The following CCDC171 variants were observed in gnomAD, a reference collection of about 807,000 sequenced individuals.
CCDC171 encodes the protein coiled-coil domain containing 171, also known as coiled-coil domain-containing protein 171.
Under a neutral mutation model 168.2 loss-of-function variants are expected in CCDC171, and 177 were observed. That is an observed-to-expected ratio of 1.05 (90% CI 0.93 to 1.19). The LOEUF (loss-of-function observed/expected upper bound fraction) is 1.19, where lower values mean the gene tolerates loss of function less well. Among genes scored for constraint, CCDC171 ranks in the 50% most tolerant of loss-of-function variants. The pLI, the probability that CCDC171 is intolerant of heterozygous loss-of-function variation, is 0.00. For missense variants in CCDC171, 1,991 were observed against 1,539.0 expected, an observed-to-expected ratio of 1.29 and a Z score of -4.91; for synonymous variants, 687 against 540.8, an observed-to-expected ratio of 1.27 and a Z score of -3.75.
At chr9:15,879,926 T>C (rs1178116770) in intron 24 of CCDC171, among the ~76,000 whole-genome samples, 1 of 152,212 alleles carries the variant, frequency 6.6e-6, no homozygotes, top group African/African-American at 2.4e-5. Context: ...GGTTCCACTT[T>C]ACCCCCTGCA....
At chr9:15,573,560 G>A (rs1427213439) in intron 3 of CCDC171, among the ~76,000 whole-genome samples, 1 of 152,178 alleles carries the variant, frequency 6.6e-6, no homozygotes, top group South Asian at 2.1e-4. Context: ...GGGATTACAG[G>A]CGTGAGCCAC....
chr9:15,585,471 C>G (rs2041482638), intron 4 of CCDC171, among the ~76,000 whole-genome samples: 1 of 152,102 alleles, frequency 6.6e-6, no homozygotes, highest in Non-Finnish European at 1.5e-5. Flanking sequence ...GTGAGAGAAA[C>G]TTTACACTCA....
intron 14 of CCDC171, among the ~76,000 whole-genome samples, chr9:15,726,403 C>T (rs568181807): frequency 2.1e-4 from 32 of 152,162 alleles, no homozygotes; most frequent in South Asian, 1.7e-3. Flanking sequence ...GGATGAACTT[C>T]CTTGAGAACA....
chr9:16,005,250 A>G (rs1832662141), intron 3 of CCDC171, among the ~76,000 whole-genome samples: 2 of 152,340 alleles, frequency 1.3e-5, no homozygotes, highest in South Asian at 2.1e-4. Flanking sequence ...ATCACATAAT[A>G]TGTGGTCTTT....
At chr9:15,813,601 T>G (rs1466274471) in intron 21 of CCDC171, among the ~76,000 whole-genome samples, 1 of 132,586 alleles carries the variant, frequency 7.5e-6, no homozygotes, top group Non-Finnish European at 1.7e-5. Context: ...TACTTTTACA[T>G]GTATTTGTGT....
intron 8 of CCDC171, among the ~76,000 whole-genome samples, chr9:15,660,621 C>G (rs2048241800): frequency 6.6e-6 from 1 of 152,160 alleles, no homozygotes; most frequent in Non-Finnish European, 1.5e-5. Context: ...GGGCTTCCAG[C>G]TGCATCCATG....
chr9:15,554,329 T>A (rs12350903), intron 1 of CCDC171, among the ~76,000 whole-genome samples: 8,379 of 152,310 alleles, frequency 0.055, 285 homozygotes, highest in African/African-American at 0.088. Context: ...ATGTCACTTA[T>A]TTTATTTAAC....
intron 3 of CCDC171, among the ~76,000 whole-genome samples, chr9:15,988,278 T>A (rs1228882452): frequency 2.0e-5 from 3 of 152,156 alleles, no homozygotes; most frequent in Admixed American, 6.5e-5. Flanking sequence ...TATTTTGTTT[T>A]TTTAGATTAG....
At chr9:15,706,536 C>T (rs1588070684) in intron 11 of CCDC171, among the ~76,000 whole-genome samples, 1 of 152,142 alleles carries the variant, frequency 6.6e-6, no homozygotes, top group Non-Finnish European at 1.5e-5. Context: ...AATCCTCCCA[C>T]CCCAGCCTCC....
At chr9:15,598,532 G>A (rs977971958) in intron 6 of CCDC171, among the ~76,000 whole-genome samples, 7 of 152,088 alleles carry the variant, frequency 4.6e-5, no homozygotes, top group African/African-American at 1.7e-4. Context: ...TATAATTTCT[G>A]TTCTTTTACA....
intron 3 of CCDC171, among the ~76,000 whole-genome samples, chr9:15,989,373 G>C (rs111660739): frequency 0.077 from 11,685 of 152,176 alleles, 1,473 homozygotes; most frequent in African/African-American, 0.27. Flanking sequence ...GGTCCTGACT[G>C]TTAGAAGGAA....
At position 15,971,646 on chromosome 9, in the gene CCDC171, C is replaced by G; in HGVS notation, c.3791C>G (p.Ser1264Ter). 1 of 1,613,666 alleles carries G rather than the reference C, an allele frequency of 6.2e-7. No homozygotes were observed. The highest frequency in any genetic ancestry group is 8.5e-7 in the Non-Finnish European group (1 of 1,179,802). Reference sequence around the variant, plus strand: ...GACCATTCAAATCTCTCCATTCCTTCAAGAGCTCCTCTTCCTGCTGACACA... The same window carrying G: ...GACCATTCAAATCTCTCCATTCCTTGAAGAGCTCCTCTTCCTGCTGACACA... ...SRDHSNLSIP[S>*]RAPLPADTTG... Residue 1264 changes from serine to a stop codon, truncating the protein, a stop_gained, in exon 26 of 26, where the codon TCA (serine) becomes TGA (stop). Coordinates refer to ENST00000380701, the MANE Select transcript of CCDC171 (RefSeq NM_173550.4). LOFTEE classifies it high-confidence loss of function.
chr9:15,693,407 TACTTAAC>T (rs1049769670), intron 10 of CCDC171, among the ~76,000 whole-genome samples: 10 of 152,154 alleles, frequency 6.6e-5, no homozygotes, highest in African/African-American at 2.2e-4. Flanking sequence ...TTAACTAAAC[TACTTAAC>T]ACTTATTTTA....
intron 8 of CCDC171, among the ~76,000 whole-genome samples, chr9:15,658,747 C>G (rs2048114979): frequency 6.6e-6 from 1 of 152,094 alleles, no homozygotes; most frequent in African/African-American, 2.4e-5. Context: ...AAAGGCAAGA[C>G]AAGATTTCTT....
chr9:15,907,558 G>C (rs1029239996), intron 24 of CCDC171, among the ~76,000 whole-genome samples: 2 of 152,118 alleles, frequency 1.3e-5, no homozygotes, highest in African/African-American at 4.8e-5. Flanking sequence ...AAAAACCCTA[G>C]AAGAAAACCT....
chr9:15,722,269 G>C (rs966084642), intron 12 of CCDC171, among the ~76,000 whole-genome samples: 3 of 152,184 alleles, frequency 2.0e-5, no homozygotes, highest in African/African-American at 7.2e-5. Context: ...TTTAGGTTAA[G>C]ATTTCTACAA....
At chr9:16,066,521 T>A (rs956467875), downstream of CCDC171, among the ~76,000 whole-genome samples, 3 of 151,600 alleles carry the variant, frequency 2.0e-5, no homozygotes, top group Admixed American at 1.3e-4. Context: ...GCAGGTTAGT[T>A]ATATATGTAT....
intron 3 of CCDC171, among the ~76,000 whole-genome samples, chr9:15,993,912 G>A (rs557475678): frequency 6.6e-6 from 1 of 152,330 alleles, no homozygotes; most frequent in South Asian, 2.1e-4. Flanking sequence ...AGTTAGAATG[G>A]TGATCATTGA....
chr9:15,701,230 AAGCTATGT>A (rs1330771814), intron 11 of CCDC171, among the ~76,000 whole-genome samples: 20 of 152,172 alleles, frequency 1.3e-4, no homozygotes, highest in Non-Finnish European at 2.6e-4. Context: ...TGCTGGGCAG[AAGCTATGT>A]AGTTTAATAT....
Sources: allele counts gnomAD v4.1 joint callset (sites outside exome capture counted in the v4.1 genomes callset), GRCh38; gene constraint gnomAD v4.1.1; transcripts MANE v1.5; gene names NCBI Gene and HGNC (gene_info 2026-07-23, HGNC 2026-07-21).